The following IGF2BP2 variants were observed in gnomAD, a reference collection of about 807,000 sequenced individuals.
The protein encoded by IGF2BP2 is insulin-like growth factor 2 mRNA-binding protein 2.
IGF2BP2 carries 17 observed loss-of-function variants against 75.8 expected under a neutral mutation model. The observed-to-expected ratio is 0.22, with a 90% CI of 0.15 to 0.34. IGF2BP2 has a LOEUF of 0.34. Ranked by LOEUF, IGF2BP2 falls within the 10% of genes least tolerant of loss-of-function variation. IGF2BP2 has a pLI of 1.00. For missense variants in IGF2BP2, 516 were observed against 772.4 expected (o/e 0.67, Z 3.93); for synonymous variants, 288 against 295.6 (o/e 0.97, Z 0.26).
At chr3:185,736,596 C>A (rs1443288050) in intron 2 of IGF2BP2, among the ~76,000 whole-genome samples, 1 of 152,208 alleles carries the variant, frequency 6.6e-6, no homozygotes, top group Non-Finnish European at 1.5e-5. Context: ...CACTTGCTTA[C>A]CCAATGTGGC....
intron 3 of IGF2BP2, 39 bp downstream of exon 3, chr3:185,698,260 A>C (rs1560313642): frequency 6.4e-7 from 1 of 1,561,258 alleles, no homozygotes; most frequent in Non-Finnish European, 8.8e-7. Flanking sequence ...AGAAGGGAGA[A>C]ATGTCTCATC....
At position 185,652,097 on chromosome 3, in the gene IGF2BP2, G is replaced by C; in HGVS notation, c.1458C>G (p.Phe486Leu). 1 of 1,612,562 alleles carries C rather than the reference G, an allele frequency of 6.2e-7. No homozygotes were observed. The highest frequency in any genetic ancestry group is 8.5e-7 in the Non-Finnish European group (1 of 1,179,008). Residue 486 changes from phenylalanine (F) to leucine (L), a missense_variant, in exon 13 of 16, where the codon TTC (phenylalanine) becomes TTG (leucine). This residue lies in a region of IGF2BP2 where 129 missense variants were observed against 230.5 expected (regional missense o/e 0.56). Transcript: ENST00000382199. ...VIITGPPEAQ[F>L]KAQGRIFGKL... ...TGAGGTGTCCCTTGGCACTAACCTT[G>C]AACTGGGCTTCCGGTGGCCCGGTGA...
intron 2 of IGF2BP2, among the ~76,000 whole-genome samples, chr3:185,711,556 C>A (rs561683660): frequency 6.6e-6 from 1 of 152,322 alleles, no homozygotes; most frequent in East Asian, 1.9e-4. Context: ...AAGACAGCAC[C>A]ATTAGCTGAG....
intron 7 of IGF2BP2, among the ~76,000 whole-genome samples, chr3:185,679,174 C>T (rs1719990189): frequency 6.6e-6 from 1 of 151,982 alleles, no homozygotes; most frequent in Admixed American, 6.6e-5. Flanking sequence ...TGTCTAGTAG[C>T]TTTTTTGTCC....
chr3:185,823,295 A>G, intron 1 of IGF2BP2, 82 bp from the exon 2 acceptor site: 2 of 1,091,738 alleles, frequency 1.8e-6, no homozygotes, highest in South Asian at 3.0e-5. Flanking sequence ...ACGGAACTCC[A>G]CGCTCGGGCT....
chr3:185,664,970 AATT>A (rs1394030081), intron 10 of IGF2BP2, among the ~76,000 whole-genome samples: 2 of 152,054 alleles, frequency 1.3e-5, no homozygotes, highest in Admixed American at 6.6e-5. Flanking sequence ...GGTAAAGGCA[AATT>A]ATTATAAAAG....
At chr3:185,719,243 C>T (rs2149457368) in intron 2 of IGF2BP2, among the ~76,000 whole-genome samples, 1 of 152,168 alleles carries the variant, frequency 6.6e-6, no homozygotes, top group African/African-American at 2.4e-5. Flanking sequence ...TTTGTGATTC[C>T]AGTTATTTGT....
At chr3:185,763,987 G>A (rs865785162) in intron 2 of IGF2BP2, among the ~76,000 whole-genome samples, 1 of 152,168 alleles carries the variant, frequency 6.6e-6, no homozygotes, top group South Asian at 2.1e-4. Context: ...TGAGGGCAGA[G>A]AGAGAAGAGG....
chr3:185,729,320 G>A (rs1455747130), intron 2 of IGF2BP2, among the ~76,000 whole-genome samples: 1 of 152,170 alleles, frequency 6.6e-6, no homozygotes, highest in Non-Finnish European at 1.5e-5. Context: ...AGACAGTGAT[G>A]ACCATTCAGA....
At chr3:185,802,490 T>TGTA (rs1335855424) in intron 2 of IGF2BP2, among the ~76,000 whole-genome samples, 3 of 152,250 alleles carry the variant, frequency 2.0e-5, no homozygotes, top group Admixed American at 1.3e-4. Context: ...ACCTGTACTC[T>TGTA]AGCTCCACTC....
rs1486562122 is a variant in IGF2BP2 at position 185,647,383 on chromosome 3, G to C, written c.1594-245C>G. On this transcript the variant is annotated intron_variant, in intron 14 of 15. Coordinates refer to ENST00000382199, the MANE Select transcript of IGF2BP2 (RefSeq NM_006548.6). The surrounding 1 kb of genome is among the most constrained non-coding windows in gnomAD (Gnocchi z 4.9). ...AGTCCAGCCACAGATTCCTGGGGCTGCTTCTGAGGCGAAGTTCTCTTATTC... is the reference window on the plus strand; with the variant it reads ...AGTCCAGCCACAGATTCCTGGGGCTCCTTCTGAGGCGAAGTTCTCTTATTC... Among the ~76,000 whole-genome samples, 1 of 152,118 alleles carries C rather than the reference G, an allele frequency of 6.6e-6. No individual in the cohort carries two copies. Among genetic ancestry groups the C allele is most frequent in the Non-Finnish European group, 1.5e-5 (1 of 68,016 alleles).
chr3:185,760,664 T>C (rs1578215654), intron 2 of IGF2BP2, among the ~76,000 whole-genome samples: 1 of 152,174 alleles, frequency 6.6e-6, no homozygotes, highest in African/African-American at 2.4e-5. Flanking sequence ...TGTTTGGGGG[T>C]CTGTCCTCCA....
chr3:185,658,287 T>A, intron 11 of IGF2BP2, 54 bp downstream of exon 11: 3 of 1,526,952 alleles, frequency 2.0e-6, no homozygotes, highest in South Asian at 2.2e-5. Context: ...AAGGGCCAAG[T>A]GGGCCTAGCC....
intron 11 of IGF2BP2, 51 bp downstream of exon 11, chr3:185,658,290 G>A (rs370211460): frequency 3.6e-5 from 56 of 1,540,330 alleles, no homozygotes; most frequent in Admixed American, 8.4e-5. Flanking sequence ...GGCCAAGTGG[G>A]CCTAGCCCCA....
intron 2 of IGF2BP2, among the ~76,000 whole-genome samples, chr3:185,797,365 T>TC (rs1737562196): frequency 6.6e-6 from 1 of 152,202 alleles, no homozygotes; most frequent in South Asian, 2.1e-4. Flanking sequence ...TGATCCCATG[T>TC]CCGGTACTCT....
chr3:185,763,144 G>T (rs1319544866), intron 2 of IGF2BP2, among the ~76,000 whole-genome samples: 1 of 152,000 alleles, frequency 6.6e-6, no homozygotes, highest in Non-Finnish European at 1.5e-5. Flanking sequence ...CCAGGCACTG[G>T]TATTTTTTTT....
intron 10 of IGF2BP2, among the ~76,000 whole-genome samples, chr3:185,671,364 G>A (rs1718474033): frequency 6.6e-6 from 1 of 151,964 alleles, no homozygotes; most frequent in Non-Finnish European, 1.5e-5. Flanking sequence ...TGGCCAACAT[G>A]GTGAAACCCC....
At chr3:185,652,978 A>AT (rs1714849664) in intron 12 of IGF2BP2, among the ~76,000 whole-genome samples, 1 of 152,084 alleles carries the variant, frequency 6.6e-6, no homozygotes, top group South Asian at 2.1e-4. Flanking sequence ...CACCCAGCTA[A>AT]TTTTTGCATT....
At chr3:185,731,246 C>CTTTTTTTTTTT (rs760172663) in intron 2 of IGF2BP2, among the ~76,000 whole-genome samples, 16 of 129,250 alleles carry the variant, frequency 1.2e-4, no homozygotes, top group African/African-American at 4.6e-4. Context: ...GCATCACTTT[C>CTTTTTTTTTTT]TTTTTTTTTT....
Sources: allele counts gnomAD v4.1 joint callset (sites outside exome capture counted in the v4.1 genomes callset), GRCh38; gene constraint gnomAD v4.1.1; regional missense constraint gnomAD v4.1.1; non-coding constraint Gnocchi (gnomAD v3.1); transcripts MANE v1.5; gene names NCBI Gene and HGNC (gene_info 2026-07-23, HGNC 2026-07-21).